PDE11A: variants seen among roughly 807,000 people sequenced by gnomAD.
PDE11A encodes the protein phosphodiesterase 11A.
In PDE11A, 100 loss-of-function variants were observed where a neutral mutation model predicts 100.5. That is an observed-to-expected ratio of 1.00 (90% CI 0.85 to 1.18). PDE11A has a LOEUF of 1.18. Among genes scored for constraint, PDE11A ranks in the 50% most tolerant of loss-of-function variants. The probability of loss-of-function intolerance (pLI) is 0.00; values close to 1 mark genes in which losing one functional copy is unlikely to be tolerated. For missense variants in PDE11A, 1,141 were observed against 1,152.6 expected (o/e 0.99, Z 0.15); for synonymous variants, 381 against 420.8 (o/e 0.91, Z 1.16).
intron 18 of PDE11A, among the ~76,000 whole-genome samples, chr2:177,667,271 CA>C (rs2080603794): frequency 6.6e-6 from 1 of 152,134 alleles, no homozygotes; most frequent in African/African-American, 2.4e-5. Context: ...ATCTCTGGGT[CA>C]TTTTGTCTTT....
intron 1 of PDE11A, among the ~76,000 whole-genome samples, chr2:178,053,267 A>C (rs940007481): frequency 6.6e-6 from 1 of 152,214 alleles, no homozygotes; most frequent in Non-Finnish European, 1.5e-5. Flanking sequence ...CAAAAACCAC[A>C]TGATTATCTC....
At position 177,866,345 on chromosome 2, in the gene PDE11A, T is replaced by C. The variant is rs116390414; in HGVS notation, c.1367+9514A>G. Reference sequence around the variant, plus strand: ...CATGATTTCTCCAACTGGCAAATTCTGCTCGGGACTTCCCATTGGCCAGGC... The same window carrying C: ...CATGATTTCTCCAACTGGCAAATTCCGCTCGGGACTTCCCATTGGCCAGGC... On this transcript the variant is annotated intron_variant, in intron 5 of 19. Coordinates refer to ENST00000286063, the MANE Select transcript of PDE11A (RefSeq NM_016953.4). Among the ~76,000 whole-genome samples, 1,100 of 152,348 alleles carry C rather than the reference T, an allele frequency of 7.2e-3. 13 individuals carry two copies. Among genetic ancestry groups the C allele is most frequent in the African/African-American group, 0.025 (1,024 of 41,566 alleles).
At chr2:177,935,055 A>G (rs2085255048) in intron 2 of PDE11A, among the ~76,000 whole-genome samples, 1 of 152,132 alleles carries the variant, frequency 6.6e-6, no homozygotes, top group African/African-American at 2.4e-5. Context: ...TCAGCATTTT[A>G]CAATATACCC....
chr2:177,682,492 A>T (rs917309739), intron 15 of PDE11A, among the ~76,000 whole-genome samples: 1 of 152,218 alleles, frequency 6.6e-6, no homozygotes, highest in Non-Finnish European at 1.5e-5. Context: ...ATGGAAATCC[A>T]TTTGGAGATG....
At chr2:177,700,393 T>C (rs533740860) in intron 14 of PDE11A, among the ~76,000 whole-genome samples, 31 of 86,198 alleles carry the variant, frequency 3.6e-4, no homozygotes, top group African/African-American at 1.2e-3. Context: ...GATGATCCCT[T>C]CCTGGCCTCA....
In PDE11A at chr2:177,629,262, T is replaced by G; in HGVS notation, c.*145A>C. 1 of 781,932 alleles carries G rather than the reference T, an allele frequency of 1.3e-6. No homozygotes were observed. The highest frequency in any genetic ancestry group is 2.3e-6 in the Non-Finnish European group (1 of 442,046). 48.4% of individuals were successfully genotyped at this position (781,932 alleles called of 1,614,324 possible). The stretch of plus-strand genomic sequence containing the variant: ...TGCTCTCTCTGCTGCTGACCATGCT[T>G]CAAGGTGAAAGCCCAGGCATGCTTC... On this transcript the variant is annotated 3_prime_UTR_variant, in exon 20 of 20. Coordinates refer to ENST00000286063, the MANE Select transcript of PDE11A (RefSeq NM_016953.4).
intron 19 of PDE11A, among the ~76,000 whole-genome samples, chr2:177,656,089 CA>C (rs2080378931): frequency 6.6e-6 from 1 of 152,148 alleles, no homozygotes. Flanking sequence ...AAAAAGATAT[CA>C]TAGGCCATAT....
intron 2 of PDE11A, among the ~76,000 whole-genome samples, chr2:178,006,464 C>T (rs991451542): frequency 6.6e-6 from 1 of 152,044 alleles, no homozygotes; most frequent in Admixed American, 6.6e-5. Context: ...TAAGCTGGAC[C>T]CTGGCAGGCA....
chr2:177,998,061 C>T lies in PDE11A; in HGVS notation c.1071+16241G>A, dbSNP rs6752913. On this transcript the variant is annotated intron_variant, in intron 2 of 19. Transcript: ENST00000286063. Reference sequence around the variant, plus strand: ...CTGCCTGCTGAGTGCACTGTAAGAGCCTGCCCACACACTCAGGATCTGAGG... The same window carrying T: ...CTGCCTGCTGAGTGCACTGTAAGAGTCTGCCCACACACTCAGGATCTGAGG... The T allele has an allele frequency of 5.1e-3, 6,600 of 1,295,326 alleles. 253 individuals carry two copies. The African/African-American group carries it at 0.083, about 16-fold the overall frequency. 80.2% of individuals were successfully genotyped at this position (1,295,326 alleles called of 1,614,324 possible). A position where few individuals can be genotyped will look rare whatever the true frequency, so the allele number is the denominator to read the frequency against.
At chr2:177,917,985 C>T (rs1359360497) in intron 2 of PDE11A, among the ~76,000 whole-genome samples, 1 of 151,982 alleles carries the variant, frequency 6.6e-6, no homozygotes, top group Non-Finnish European at 1.5e-5. Context: ...AGTGTAAAAG[C>T]CTTGATATAA....
chr2:177,851,071 A>G (rs1408501222), intron 5 of PDE11A, among the ~76,000 whole-genome samples: 1 of 152,204 alleles, frequency 6.6e-6, no homozygotes, highest in Non-Finnish European at 1.5e-5. Context: ...ATGGTGCTAT[A>G]AAGACACATG....
At chr2:178,066,950 A>G (rs2087054758) in intron 1 of PDE11A, among the ~76,000 whole-genome samples, 1 of 152,188 alleles carries the variant, frequency 6.6e-6, no homozygotes, top group South Asian at 2.1e-4. Flanking sequence ...ATCTTGCACT[A>G]GGCTCCACAG....
chr2:177,856,388 G>A lies in PDE11A; in HGVS notation c.1368-16005C>T, dbSNP rs144635509. Among the ~76,000 whole-genome samples, 93 of 151,942 alleles carry A rather than the reference G, an allele frequency of 6.1e-4. 1 individual carries two copies. The East Asian group carries it at 0.011, about 18-fold the overall frequency. On this transcript the variant is annotated intron_variant, in intron 5 of 19. Coordinates refer to ENST00000286063, the MANE Select transcript of PDE11A (RefSeq NM_016953.4). ...AGTTTTCAATAAAAATTTATAAGACGTGCAAAGATACAGTAAAGGATACTC... is the reference window on the plus strand; with the variant it reads ...AGTTTTCAATAAAAATTTATAAGACATGCAAAGATACAGTAAAGGATACTC...
At chr2:177,644,811 G>A (rs779870959) in intron 19 of PDE11A, among the ~76,000 whole-genome samples, 8 of 152,166 alleles carry the variant, frequency 5.3e-5, no homozygotes, top group Non-Finnish European at 4.4e-5. Context: ...ATGTGGGCAG[G>A]TCTTTCCCAT....
At chr2:178,076,756 G>A (rs187422936), upstream of PDE11A, among the ~76,000 whole-genome samples, 9 of 152,302 alleles carry the variant, frequency 5.9e-5, 1 homozygote, top group East Asian at 1.7e-3. Flanking sequence ...TCACAATTCT[G>A]TAGGTTAACT....
intron 10 of PDE11A, among the ~76,000 whole-genome samples, chr2:177,757,945 T>G (rs551152586): frequency 1.3e-5 from 2 of 152,188 alleles, no homozygotes; most frequent in Admixed American, 6.5e-5. Context: ...ATGAAATGCT[T>G]TAGGCCCTGG....
intron 2 of PDE11A, among the ~76,000 whole-genome samples, chr2:177,908,013 T>C (rs1238508044): frequency 6.6e-6 from 1 of 152,218 alleles, no homozygotes; most frequent in Non-Finnish European, 1.5e-5. Context: ...ATGTACTGTA[T>C]AGTAAAATCA....
chr2:177,780,858 T>C (rs2082444598), intron 9 of PDE11A, among the ~76,000 whole-genome samples: 1 of 152,248 alleles, frequency 6.6e-6, no homozygotes, highest in Admixed American at 6.5e-5. Flanking sequence ...GCTCATTTGA[T>C]CTTTTCTTCA....
At chr2:177,689,488 C>G (rs530012315) in intron 15 of PDE11A, among the ~76,000 whole-genome samples, 13 of 152,174 alleles carry the variant, frequency 8.5e-5, no homozygotes, top group African/African-American at 3.1e-4. Context: ...ACAGCTTGCT[C>G]AACAGGCAAA....
Sources: gnomAD v4.1 joint callset for allele counts (sites outside exome capture counted in the v4.1 genomes callset) on GRCh38, gnomAD v4.1.1 for gene constraint, MANE v1.5 for transcripts, NCBI Gene and HGNC (gene_info 2026-07-23, HGNC 2026-07-21) for gene names.